The following ASNS variants were observed in gnomAD, a reference collection of about 807,000 sequenced individuals.
The protein encoded by ASNS is asparagine synthetase (glutamine-hydrolyzing).
A neutral mutation model predicts 62.6 loss-of-function variants in ASNS; 37 were observed. The observed-to-expected ratio is 0.59, with a 90% CI of 0.45 to 0.78. The LOEUF (loss-of-function observed/expected upper bound fraction) is 0.78. ASNS is among the 30% of genes least tolerant of loss of function. The pLI, the probability that ASNS is intolerant of heterozygous loss-of-function variation, is 0.00. For synonymous variants in ASNS, 207 were observed against 237.9 expected (o/e 0.87, Z 1.19); for missense variants, 520 against 682.4 (o/e 0.76, Z 2.65).
intron 3 of ASNS, among the ~76,000 whole-genome samples, chr7:97,865,847 G>A (rs1791937300): frequency 6.6e-6 from 1 of 152,230 alleles, no homozygotes; most frequent in Non-Finnish European, 1.5e-5. Flanking sequence ...TTGTGGGCGT[G>A]CTTGCATGGG....
At chr7:97,888,606 C>T in the ASNS span, among the ~76,000 whole-genome samples, 2 of 152,124 alleles carry the variant, frequency 1.3e-5, no homozygotes, top group Non-Finnish European at 2.9e-5. Flanking sequence ...TTTGCCATTC[C>T]CTAGTCTAAG....
chr7:97,896,602 GA>G, the ASNS span, among the ~76,000 whole-genome samples: 92,613 of 106,630 alleles, frequency 0.87, 39,922 homozygotes, highest in African/African-American at 0.9. Flanking sequence ...ATCTCAAAAA[GA>G]AAAAAAAAAA....
At chr7:97,895,706 G>C in the ASNS span, among the ~76,000 whole-genome samples, 10 of 152,150 alleles carry the variant, frequency 6.6e-5, no homozygotes, top group Admixed American at 5.2e-4. Context: ...CAGGAGAATC[G>C]CTTGAACCCG....
At chr7:97,911,251 A>G in the ASNS span, among the ~76,000 whole-genome samples, 1 of 152,164 alleles carries the variant, frequency 6.6e-6, no homozygotes, top group African/African-American at 2.4e-5. Flanking sequence ...AAATGTTAAT[A>G]GTTTTTAAAT....
chr7:97,860,677 G>A (rs1247141922), intron 4 of ASNS, among the ~76,000 whole-genome samples: 1 of 152,208 alleles, frequency 6.6e-6, no homozygotes, highest in Non-Finnish European at 1.5e-5. Flanking sequence ...GGCAAAAAGA[G>A]GCAGGGAGAG....
At chr7:97,874,046 C>T (rs2115798249), upstream of ASNS, among the ~76,000 whole-genome samples, 1 of 152,230 alleles carries the variant, frequency 6.6e-6, no homozygotes, top group South Asian at 2.1e-4. Context: ...ATTTTCTCTT[C>T]CTAATAAGCC....
chr7:97,870,567 T>C (rs544652234), intron 1 of ASNS, among the ~76,000 whole-genome samples: 1 of 152,316 alleles, frequency 6.6e-6, no homozygotes, highest in African/African-American at 2.4e-5. Flanking sequence ...AATTTGGAAA[T>C]GAAGTACCAC....
intron 8 of ASNS, 91 bp downstream of exon 8, chr7:97,856,599 T>G: frequency 6.7e-6 from 8 of 1,202,150 alleles, no homozygotes; most frequent in Non-Finnish European, 7.9e-6. Flanking sequence ...AATAACATTT[T>G]AAAACTATGG....
chr7:97,901,708 T>A, the ASNS span, among the ~76,000 whole-genome samples: 1 of 152,092 alleles, frequency 6.6e-6, no homozygotes, highest in Non-Finnish European at 1.5e-5. Flanking sequence ...CCAGGCGCAG[T>A]GGCTCACACC....
chr7:97,866,348 C>CTG (rs1562821677), intron 3 of ASNS, among the ~76,000 whole-genome samples: 1 of 152,208 alleles, frequency 6.6e-6, no homozygotes, highest in Non-Finnish European at 1.5e-5. Context: ...GCTTCCACCA[C>CTG]TGCAGCAGCA....
At chr7:97,885,374 G>A in the ASNS span, among the ~76,000 whole-genome samples, 26 of 151,706 alleles carry the variant, frequency 1.7e-4, no homozygotes, top group South Asian at 2.1e-4. Flanking sequence ...GTTTCTGGAC[G>A]GACATATATT....
At chr7:97,887,192 T>C in the ASNS span, among the ~76,000 whole-genome samples, 1 of 152,200 alleles carries the variant, frequency 6.6e-6, no homozygotes, top group Non-Finnish European at 1.5e-5. Context: ...ATAAAGCAAG[T>C]CATCCATGAC....
Position 97,853,332 on chromosome 7 carries a change from A to T in ASNS, c.1293T>A (p.Ser431=), listed in dbSNP as rs902127210. ...TTGGAATTCTCATTTCTGGTGGCAG[A>T]GACAAGTAATAGGAAGAAAATCGAT... ...LDHRFSSYYL[S]LPPEMRIPKN... is the part of the protein sequence containing the mutation. The change falls in exon 11 of 13, where the codon TCT becomes TCA. Residue 431 remains serine, a synonymous_variant. Coordinates refer to ENST00000394308, the MANE Select transcript of ASNS (RefSeq NM_001673.5). The T allele has an allele frequency of 3.1e-6, 5 of 1,613,644 alleles. No individual in the cohort carries two copies. In the Admixed American group the frequency reaches 6.7e-5, roughly 22 times the overall value.
chr7:97,904,103 T>G, the ASNS span, among the ~76,000 whole-genome samples: 3 of 152,162 alleles, frequency 2.0e-5, no homozygotes, highest in East Asian at 5.8e-4. Context: ...TAAGGGGTGT[T>G]AGGAGCTGAT....
chr7:97,869,119 C>A lies in ASNS; in HGVS notation c.38G>T (p.Cys13Phe), dbSNP rs1401050673. Residue 13 changes from cysteine to phenylalanine, a missense_variant, in exon 3 of 13, where the codon TGC becomes TTC. By Grantham distance (205) the Cys-to-Phe change is radical (BLOSUM62 -2). Coordinates refer to ENST00000394308, the MANE Select transcript of ASNS (RefSeq NM_001673.5). ...GIWALFGSDD[C>F]LSVQCLSAMK... is the part of the protein sequence containing the mutation. ...AGCACTCAGACACTGAACAGAAAGG[C>A]AATCATCACTGCCAAACAGCGCCCA... The A allele has an allele frequency of 1.2e-6, 2 of 1,614,170 alleles. No homozygotes were observed. The highest frequency in any genetic ancestry group is 3.3e-5 in the Admixed American group (2 of 60,014).
In ASNS at chr7:97,868,994, G is replaced by C; in HGVS notation, c.163C>G (p.Pro55Ala). 6.2e-7 allele frequency: 1 copy of C among 1,614,172 alleles called. No homozygotes were observed. Among genetic ancestry groups the C allele is most frequent in the Non-Finnish European group, 8.5e-7 (1 of 1,180,038 alleles). The stretch of plus-strand genomic sequence containing the variant: ...CGAATTGGCTGCATTCCAAACAGCG[G>C]GTCAACTACCGCCAACCGGTGAAAT... ...FGFHRLAVVD[P>A]LFGMQPIRVK... Residue 55 changes from proline (P) to alanine (A), a missense_variant, in exon 3 of 13, where the codon CCG (proline) becomes GCG (alanine). Physicochemically the swap from Pro to Ala is conservative, Grantham distance 27 (BLOSUM62 -1). Transcript: ENST00000394308.
chr7:97,891,938 A>G, the ASNS span, among the ~76,000 whole-genome samples: 1 of 152,168 alleles, frequency 6.6e-6, no homozygotes, highest in African/African-American at 2.4e-5. Context: ...TCACAGCTCC[A>G]CTAGGTGGCG....
intron 3 of ASNS, among the ~76,000 whole-genome samples, chr7:97,868,478 C>T (rs766450286): frequency 1.1e-4 from 16 of 151,546 alleles, no homozygotes; most frequent in Non-Finnish European, 1.9e-4. Context: ...TTAGGAGTGT[C>T]ATAATATCTG....
chr7:97,875,380 C>A (rs1466697810), upstream of ASNS, among the ~76,000 whole-genome samples: 1 of 152,220 alleles, frequency 6.6e-6, no homozygotes, highest in East Asian at 1.9e-4. Context: ...CTCAAATGAT[C>A]CACCCGCCTT....
Sources: gnomAD v4.1 joint callset for allele counts (sites outside exome capture counted in the v4.1 genomes callset) on GRCh38, gnomAD v4.1.1 for gene constraint, MANE v1.5 for transcripts, NCBI Gene and HGNC (gene_info 2026-07-23, HGNC 2026-07-21) for gene names.